The following DVL3 variants were observed in gnomAD, a reference collection of about 807,000 sequenced individuals.
DVL3 encodes dishevelled segment polarity protein 3.
Under a neutral mutation model 67.4 loss-of-function variants are expected in DVL3, and 27 were observed. The observed-to-expected ratio is 0.40, with a 90% CI of 0.30 to 0.55. The LOEUF (loss-of-function observed/expected upper bound fraction) is 0.55. Ranked by LOEUF, DVL3 falls within the 20% of genes least tolerant of loss-of-function variation. The pLI is 0.46. For synonymous variants in DVL3, 369 were observed against 396.8 expected (o/e 0.93, Z 0.83); for missense variants, 819 against 1,021.5 (o/e 0.80, Z 2.70).
chr3:184,168,493 C>G (rs1228387529), intron 13 of DVL3, among the ~76,000 whole-genome samples: 2 of 152,208 alleles, frequency 1.3e-5, no homozygotes, highest in Non-Finnish European at 2.9e-5. Flanking sequence ...AAACAAACAG[C>G]CTGGAGGCTC....
chr3:184,156,416 T>G (rs1245685606), intron 1 of DVL3: 1 of 456,740 alleles, frequency 2.2e-6, no homozygotes, highest in East Asian at 6.9e-5. Context: ...ACAGAGAGCC[T>G]GACCCCTGCG....
Position 184,170,049 on chromosome 3 carries a change from C to G in DVL3, c.1542C>G (p.Gly514=). ...TCCACGATCACGATGGCTCCAGTGG[C>G]GCCTCTGACCAGGACACACTGGCCC... ...LSLHDHDGSS[G]ASDQDTLAPL... is the part of the protein sequence containing the mutation. Residue 514 remains glycine (G), a synonymous_variant, in exon 14 of 15, where the codon GGC becomes GGG. Transcript: ENST00000313143. This position sits in a 1 kb window ranked among gnomAD's most constrained non-coding sequence, Gnocchi z 6.5. 6.2e-7 allele frequency: 1 copy of G among 1,613,078 alleles called. No homozygotes were observed. The highest frequency in any genetic ancestry group is 1.1e-5 in the South Asian group (1 of 90,920).
chr3:184,158,767 T>A (rs1432480537), intron 1 of DVL3, among the ~76,000 whole-genome samples: 1 of 149,306 alleles, frequency 6.7e-6, no homozygotes, highest in Non-Finnish European at 1.5e-5. Flanking sequence ...GCCATCTTTT[T>A]AAATTTTTTT....
At chr3:184,156,243 A>G in intron 1 of DVL3, 1 of 449,670 alleles carries the variant, frequency 2.2e-6, no homozygotes, top group Non-Finnish European at 4.5e-6. Flanking sequence ...GCTCCCAGCC[A>G]TATTTGGAGT....
rs2109021389 is a variant in DVL3 at position 184,165,152 on chromosome 3, G to A, written c.639G>A (p.Leu213=). The A allele has an allele frequency of 6.2e-7, 1 of 1,610,522 alleles. No individual in the cohort carries two copies. The highest frequency in any genetic ancestry group is 1.3e-5 in the African/African-American group (1 of 74,866). The change falls in exon 6 of 15, where the codon CTG becomes CTA. Residue 213 remains leucine, a synonymous_variant. Coordinates refer to ENST00000313143, the MANE Select transcript of DVL3 (RefSeq NM_004423.4). This position sits in a 1 kb window ranked among gnomAD's most constrained non-coding sequence, Gnocchi z 4.1. The stretch of plus-strand genomic sequence containing the variant: ...CAGAACAGAGCAGTGCCTCACGCCT[G>A]ATGAGAAGACACAAGCGGCGGCGGC... ...SSTEQSSASR[L]MRRHKRRRRK...
rs1714503720 is a variant in DVL3 at position 184,164,554 on chromosome 3, T to G, written c.416T>G (p.Val139Gly). 3 of 1,575,646 alleles carry G rather than the reference T, an allele frequency of 1.9e-6. No homozygotes were observed. The highest frequency in any genetic ancestry group is 1.8e-5 in the Admixed American group (1 of 54,524). Residue 139 changes from valine (V) to glycine (G), a missense_variant, in exon 4 of 15, where the codon GTG becomes GGG. By Grantham distance (109) the Val-to-Gly change is moderately radical. Transcript: ENST00000313143. The surrounding 1 kb of genome is among the most constrained non-coding windows in gnomAD (Gnocchi z 5.3). ...AATGACACAGAGACGGACTCTTTGG[T>G]GTCTGCCCAGCGAGAGCGGCCACGC... is the stretch of plus-strand genomic sequence containing the variant. Reference protein sequence around the residue: ...LDNDTETDSLVSAQRERPRRR... With the variant: ...LDNDTETDSLGSAQRERPRRR...
chr3:184,167,087 C>A lies in DVL3; in HGVS notation c.1198+112C>A. 7.4e-7 allele frequency: 1 copy of A among 1,359,276 alleles called. No homozygotes were observed. The highest frequency in any genetic ancestry group is 1.0e-6 in the Non-Finnish European group (1 of 989,514). 84.2% of individuals were successfully genotyped at this position (1,359,276 alleles called of 1,614,324 possible). A position where few individuals can be genotyped will look rare whatever the true frequency, so the allele number is the denominator to read the frequency against. On this transcript the variant is annotated intron_variant, in intron 11 of 14. Coordinates refer to ENST00000313143, the MANE Select transcript of DVL3 (RefSeq NM_004423.4). This position sits in a 1 kb window ranked among gnomAD's most constrained non-coding sequence, Gnocchi z 4.6. ...GCATCAGAGAGGGCTGGAGATGGGG[C>A]TCGGCTCATTCCAGCAACCCCACAC...
rs1172989761 is a variant in DVL3, at chr3:184,170,413, C to T, written c.1809C>T (p.Ser603=). 2 of 1,600,000 alleles carry T rather than the reference C, an allele frequency of 1.3e-6. No individual in the cohort carries two copies. Among genetic ancestry groups the T allele is most frequent in the Non-Finnish European group, 8.5e-7 (1 of 1,173,574 alleles). The change falls in exon 15 of 15, where the codon AGC becomes AGT. Residue 603 remains serine (S), a synonymous_variant. Transcript: ENST00000313143. This position sits in a 1 kb window ranked among gnomAD's most constrained non-coding sequence, Gnocchi z 6.5. ...ACTCCAAGTCCGGGGGCAGCGGCAG[C>T]GAATCGGACCACACCACACGCAGCA... ...AGDSKSGGSG[S]ESDHTTRSSL... is the part of the protein sequence containing the mutation.
In DVL3 at chr3:184,170,618, C is replaced by T. The variant is rs1233566236; in HGVS notation, c.2014C>T (p.Pro672Ser). ...YGPPMLMMPP[P>S]PAAMGPPGAP... ...CCCCCCCATGCTGATGATGCCCCCGCCGCCCGCGGCCATGGGGCCCCCAGG... is the reference window on the plus strand; with the variant it reads ...CCCCCCCATGCTGATGATGCCCCCGTCGCCCGCGGCCATGGGGCCCCCAGG... Residue 672 changes from proline to serine, a missense_variant, in exon 15 of 15, where the codon CCG (proline) becomes TCG (serine). By Grantham distance (74) the Pro-to-Ser change is moderately conservative. Around this residue, in one of 3 missense-constraint regions of DVL3, gnomAD observed 324 missense variants for 331.3 expected, o/e 0.98. Transcript: ENST00000313143. The surrounding 1 kb of genome is among the most constrained non-coding windows in gnomAD (Gnocchi z 6.5). 1 of 1,608,292 alleles carries T rather than the reference C, an allele frequency of 6.2e-7. No individual in the cohort carries two copies. Among genetic ancestry groups the T allele is most frequent in the African/African-American group, 1.3e-5 (1 of 74,676 alleles).
chr3:184,167,709 T>A lies in DVL3; in HGVS notation c.1328T>A (p.Ile443Asn). 1 of 1,600,178 alleles carries A rather than the reference T, an allele frequency of 6.2e-7. No homozygotes were observed. The highest frequency in any genetic ancestry group is 8.5e-7 in the Non-Finnish European group (1 of 1,172,442). ...AAGATTACCATCCCTAATGCTTTCA[T>A]CGGTGAGAGAGCCCCATGGTGGGAT... ...WLKITIPNAF[I>N]GSDVVDWLYH... Residue 443 changes from isoleucine to asparagine, a missense_variant and splice_region_variant, in exon 12 of 15, where the codon ATC (isoleucine) becomes AAC (asparagine). Physicochemically the swap from Ile to Asn is moderately radical, Grantham distance 149. This residue lies in a region of DVL3 where 110 missense variants were observed against 203.4 expected (regional missense o/e 0.54). Transcript: ENST00000313143. This position sits in a 1 kb window ranked among gnomAD's most constrained non-coding sequence, Gnocchi z 4.6.
Position 184,167,950 on chromosome 3 carries a change from G to A in DVL3, c.1383G>A (p.Arg461=), listed in dbSNP as rs775015879. Residue 461 remains arginine (R), a synonymous_variant, in exon 13 of 15, where the codon CGG becomes CGA. Transcript: ENST00000313143. The surrounding 1 kb of genome is among the most constrained non-coding windows in gnomAD (Gnocchi z 4.6). The part of the protein sequence containing the change: ...LYHNVEGFTD[R]REARKYASNL... The stretch of plus-strand genomic sequence containing the variant: ...ACAATGTGGAAGGCTTCACGGACCG[G>A]AGGGAGGCCCGCAAGTATGCCAGCA... 5 of 1,614,160 alleles carry A rather than the reference G, an allele frequency of 3.1e-6. No individual in the cohort carries two copies. The highest frequency in any genetic ancestry group is 2.2e-5 in the South Asian group (2 of 91,094).
At position 184,159,028 on chromosome 3, in the gene DVL3, G is replaced by C. The variant is rs189031216; in HGVS notation, c.161+3232G>C. Reference sequence around the variant, plus strand: ...TGACCTCAAGCAATCCACCCACCTCGGCCTCCCCAAGTGCTGGGATTACAG... The same window carrying C: ...TGACCTCAAGCAATCCACCCACCTCCGCCTCCCCAAGTGCTGGGATTACAG... On this transcript the variant is annotated intron_variant, in intron 1 of 14. Transcript: ENST00000313143. Among the ~76,000 whole-genome samples, 2 of 149,298 alleles carry C rather than the reference G, an allele frequency of 1.3e-5. 1 individual carries two copies. The highest frequency in any genetic ancestry group is 4.0e-4 in the East Asian group (2 of 5,022).
At chr3:184,169,919 C>T (rs2109023610) in intron 13 of DVL3, 87 bp from the exon 14 acceptor site, 13 of 1,218,616 alleles carry the variant, frequency 1.1e-5, no homozygotes, top group Non-Finnish European at 1.2e-5. Context: ...GAAACTACCA[C>T]GGTCTCTCTC....
In DVL3 at chr3:184,163,780, G is replaced by GTA; in HGVS notation, c.231+54_231+55insTA. 1 of 1,500,008 alleles carries GTA rather than the reference G, an allele frequency of 6.7e-7. No homozygotes were observed. The highest frequency in any genetic ancestry group is 9.3e-7 in the Non-Finnish European group (1 of 1,077,772). 92.9% of individuals were successfully genotyped at this position (1,500,008 alleles called of 1,614,324 possible). A position where few individuals can be genotyped will look rare whatever the true frequency, so the allele number is the denominator to read the frequency against. On this transcript the variant is annotated intron_variant, in intron 2 of 14. Transcript: ENST00000313143. The surrounding 1 kb of genome is among the most constrained non-coding windows in gnomAD (Gnocchi z 4.5). The stretch of plus-strand genomic sequence containing the variant: ...TGCATCCCTGTGCTGGGCTGGACGA[G>GTA]GGAAAGGCATCACTGAGATTGTAGC...
rs1054263121 is a variant in DVL3, at chr3:184,167,346, C to T, written c.1199-234C>T. Among the ~76,000 whole-genome samples, 38 of 152,314 alleles carry T rather than the reference C, an allele frequency of 2.5e-4. No homozygotes were observed. The highest frequency in any genetic ancestry group is 8.4e-4 in the African/African-American group (35 of 41,566). Reference sequence around the variant, plus strand: ...ATTTCGATTATCATCACATGCACATCGTACACTGGCCAAGCACCTGCATTT... The same window carrying T: ...ATTTCGATTATCATCACATGCACATTGTACACTGGCCAAGCACCTGCATTT... On this transcript the variant is annotated intron_variant, in intron 11 of 14. Transcript: ENST00000313143. The surrounding 1 kb of genome is among the most constrained non-coding windows in gnomAD (Gnocchi z 4.6).
rs1396334746 is a variant in DVL3, at chr3:184,166,754, C to A, written c.1049-72C>A. On this transcript the variant is annotated intron_variant, in intron 10 of 14. Transcript: ENST00000313143. The surrounding 1 kb of genome is among the most constrained non-coding windows in gnomAD (Gnocchi z 6.7). ...CTCTCCTTTCTTCTCTCACCCAGAA[C>A]CCCCATATCTATCCTGTTGGGCCCA... 2 of 1,613,014 alleles carry A rather than the reference C, an allele frequency of 1.2e-6. No individual in the cohort carries two copies. Among genetic ancestry groups the A allele is most frequent in the Non-Finnish European group, 8.5e-7 (1 of 1,179,264 alleles).
rs1159558746 is a variant in DVL3 at position 184,172,410 on chromosome 3, T to C, written c.*1655T>C. ...CTCCAGGTTTTGGGGTAAACCAAGG[T>C]AGGAACATTTTGGCATTTATTTCAA... On this transcript the variant is annotated 3_prime_UTR_variant, in exon 15 of 15. Coordinates refer to ENST00000313143, the MANE Select transcript of DVL3 (RefSeq NM_004423.4). 6.6e-6 allele frequency: 1 copy of C among 152,150 alleles called. No individual in the cohort carries two copies. Among genetic ancestry groups the C allele is most frequent in the African/African-American group, 2.4e-5 (1 of 41,436 alleles). 9.4% of individuals were successfully genotyped at this position (152,150 alleles called of 1,614,324 possible).
Position 184,170,201 on chromosome 3 carries a change from C to T in DVL3, c.1694C>T (p.Ala565Val), listed in dbSNP as rs1006501121. The change falls in exon 14 of 15, where the codon GCC becomes GTC. Residue 565 changes from alanine (A) to valine (V), a missense_variant. Coordinates refer to ENST00000313143, the MANE Select transcript of DVL3 (RefSeq NM_004423.4). This position sits in a 1 kb window ranked among gnomAD's most constrained non-coding sequence, Gnocchi z 6.5. ...GGCTACAGCTACGGCGGGGGCAGCGCCAGCAGTCAGCACAGCGAAGGTAAG... is the reference window on the plus strand; with the variant it reads ...GGCTACAGCTACGGCGGGGGCAGCGTCAGCAGTCAGCACAGCGAAGGTAAG... Reference protein sequence around the residue: ...ELGYSYGGGSASSQHSEGSRS... With the variant: ...ELGYSYGGGSVSSQHSEGSRS... 6.8e-6 allele frequency: 11 copies of T among 1,611,276 alleles called. No homozygotes were observed. The African/African-American group carries it at 1.3e-4, about 20-fold the overall frequency.
At position 184,165,901 on chromosome 3, in the gene DVL3, TCTAA is replaced by T. The variant is rs1400330070; in HGVS notation, c.764-224_764-221del. 6.6e-6 allele frequency among the ~76,000 whole-genome samples: 1 copy of T among 152,228 alleles called. No individual in the cohort carries two copies. Among genetic ancestry groups the T allele is most frequent in the Non-Finnish European group, 1.5e-5 (1 of 68,032 alleles). The stretch of plus-strand genomic sequence containing the variant: ...ACTTACTGGCTTAGAAAAGTCATCT[TCTAA>T]GTTCACTGAACCTCAGTTGCCTGCT... On this transcript the variant is annotated intron_variant, in intron 7 of 14. Transcript: ENST00000313143. The surrounding 1 kb of genome is among the most constrained non-coding windows in gnomAD (Gnocchi z 4.1).
Sources: allele counts gnomAD v4.1 joint callset (sites outside exome capture counted in the v4.1 genomes callset), GRCh38; gene constraint gnomAD v4.1.1; regional missense constraint gnomAD v4.1.1; non-coding constraint Gnocchi (gnomAD v3.1); transcripts MANE v1.5; gene names NCBI Gene and HGNC (gene_info 2026-07-23, HGNC 2026-07-21).